The following GNG7 variants were observed in gnomAD, a reference collection of about 807,000 sequenced individuals.
GNG7 encodes G protein subunit gamma 7, also known as guanine nucleotide-binding protein G(I)/G(S)/G(O) subunit gamma-7.
A neutral mutation model predicts 4.0 loss-of-function variants in GNG7; 1 was observed. The ratio of observed to expected loss-of-function variants is 0.25; its 90% CI spans 0.09 to 1.18. The LOEUF is 1.18. Among genes scored for constraint, GNG7 ranks in the 50% most tolerant of loss-of-function variants. The pLI, the probability that GNG7 is intolerant of heterozygous loss-of-function variation, is 0.50. For synonymous variants in GNG7, 34 were observed against 36.9 expected (o/e 0.92, Z 0.29); for missense variants, 86 against 91.9 (o/e 0.94, Z 0.26).
intron 2 of GNG7, among the ~76,000 whole-genome samples, chr19:2,579,167 G>C (rs1230526634): frequency 1.3e-5 from 2 of 152,262 alleles, no homozygotes; most frequent in African/African-American, 4.8e-5. Context: ...GGTGCCCCCG[G>C]CCGGGCAGGT....
chr19:2,542,106 TC>T (rs1978980719), intron 3 of GNG7, among the ~76,000 whole-genome samples: 1 of 137,120 alleles, frequency 7.3e-6, no homozygotes, highest in African/African-American at 2.7e-5. Context: ...CGCTGTGTGT[TC>T]TTTTTTTTTT....
intron 2 of GNG7, chr19:2,632,510 AC>A (rs1982190850): frequency 1.3e-5 from 2 of 149,154 alleles, no homozygotes; most frequent in South Asian, 4.3e-4. Context: ...ACACACACAC[AC>A]GCACACAGAA....
intron 1 of GNG7, among the ~76,000 whole-genome samples, chr19:2,699,179 C>T (rs3745806): frequency 0.19 from 27,787 of 144,106 alleles, 3,591 homozygotes; most frequent in East Asian, 0.55. Context: ...GACAGAGTCT[C>T]ACTCTGTGGC....
chr19:2,691,734 G>T (rs917267119), intron 1 of GNG7, among the ~76,000 whole-genome samples: 5 of 150,458 alleles, frequency 3.3e-5, no homozygotes, highest in African/African-American at 1.2e-4. Context: ...GGGCGTGGTG[G>T]CACACGCCTG....
chr19:2,643,385 C>G (rs758209871), intron 2 of GNG7: 65 of 410,704 alleles, frequency 1.6e-4, no homozygotes, highest in Non-Finnish European at 2.8e-4. Context: ...TCTCCGGGCT[C>G]TGCACACCTT....
chr19:2,602,788 T>G (rs1981241475), intron 2 of GNG7, among the ~76,000 whole-genome samples: 2 of 152,198 alleles, frequency 1.3e-5, no homozygotes, highest in Admixed American at 1.3e-4. Flanking sequence ...CAATCAGAAT[T>G]GCCTTTTATA....
intron 2 of GNG7, among the ~76,000 whole-genome samples, chr19:2,575,089 CTTT>C (rs34248001): frequency 1.4e-5 from 2 of 138,820 alleles, no homozygotes; most frequent in Admixed American, 7.3e-5. Flanking sequence ...TTCTTTCTTT[CTTT>C]TTTTTTTTTT....
intron 2 of GNG7, among the ~76,000 whole-genome samples, chr19:2,637,212 T>C (rs1003017614): frequency 2.6e-5 from 4 of 150,958 alleles, no homozygotes; most frequent in East Asian, 2.0e-4. Flanking sequence ...AGGAACAGGC[T>C]CCCCCCGCCC....
intron 1 of GNG7, among the ~76,000 whole-genome samples, chr19:2,671,451 C>A (rs1983449461): frequency 6.6e-6 from 1 of 152,158 alleles, no homozygotes; most frequent in Non-Finnish European, 1.5e-5. Context: ...CGTTGTCCGG[C>A]CTGCCTTCTG....
intron 3 of GNG7, chr19:2,538,315 G>C (rs1403419309): frequency 8.8e-6 from 4 of 455,842 alleles, no homozygotes; most frequent in Non-Finnish European, 1.8e-5. Flanking sequence ...CCTCCACGAT[G>C]CTATCCAAAG....
chr19:2,568,356 C>T (rs1311414927), intron 2 of GNG7, among the ~76,000 whole-genome samples: 5 of 150,186 alleles, frequency 3.3e-5, no homozygotes, highest in South Asian at 2.1e-4. Flanking sequence ...CATACACACA[C>T]GTGCACATAC....
Position 2,546,703 on chromosome 19 carries a change from C to T in GNG7, c.-38+8446G>A, listed in dbSNP as rs565230909. Among the ~76,000 whole-genome samples the T allele has an allele frequency of 9.2e-5, 14 of 152,292 alleles. No individual in the cohort carries two copies. The South Asian group carries it at 2.9e-3, about 32-fold the overall frequency. ...GCTTGTTCAGACAAAGAGGCCGCGA[C>T]GACAGAGGGTGACGCGCCGCCAGTG... On this transcript the variant is annotated intron_variant, in intron 3 of 4. Coordinates refer to ENST00000382159, the MANE Select transcript of GNG7 (RefSeq NM_052847.3). The surrounding 1 kb of genome is among the most constrained non-coding windows in gnomAD (Gnocchi z 6.3).
intron 2 of GNG7, among the ~76,000 whole-genome samples, chr19:2,605,911 C>T (rs1344028073): frequency 1.3e-5 from 2 of 152,118 alleles, no homozygotes; most frequent in South Asian, 2.1e-4. Context: ...ATCACTTCTG[C>T]GACCTCTTTG....
At chr19:2,584,939 G>A (rs1980618376) in intron 2 of GNG7, among the ~76,000 whole-genome samples, 1 of 84,124 alleles carries the variant, frequency 1.2e-5, no homozygotes, top group Non-Finnish European at 2.1e-5. Context: ...AAGGAGGGAG[G>A]GAGGGAGGGA....
At chr19:2,564,538 C>T (rs1979843330) in intron 2 of GNG7, among the ~76,000 whole-genome samples, 1 of 152,148 alleles carries the variant, frequency 6.6e-6, no homozygotes, top group African/African-American at 2.4e-5. Context: ...GGTGCCACCG[C>T]ACTCCAGCCT....
intron 3 of GNG7, among the ~76,000 whole-genome samples, chr19:2,553,952 A>G (rs1283875057): frequency 1.4e-5 from 2 of 142,172 alleles, no homozygotes; most frequent in Admixed American, 7.6e-5. Context: ...TATTATATGT[A>G]ATATATATTA....
rs1982209006 is a variant in GNG7, at chr19:2,633,248, G to T, written c.-78+12976C>A. 6.6e-6 allele frequency among the ~76,000 whole-genome samples: 1 copy of T among 152,210 alleles called. No homozygotes were observed. The highest frequency in any genetic ancestry group is 1.9e-4 in the East Asian group (1 of 5,186). ...CTGACCCCTGCTGTAGAGGGTCAGA[G>T]AGGGTCAAGGTCAAGCCACAGATTG... On this transcript the variant is annotated intron_variant, in intron 2 of 4. Transcript: ENST00000382159. This position sits in a 1 kb window ranked among gnomAD's most constrained non-coding sequence, Gnocchi z 5.9.
At chr19:2,698,285 C>G (rs1471691085) in intron 1 of GNG7, among the ~76,000 whole-genome samples, 2 of 150,598 alleles carry the variant, frequency 1.3e-5, no homozygotes, top group African/African-American at 4.9e-5. Flanking sequence ...AAGGACAGGC[C>G]GGGCGCGGTG....
intron 2 of GNG7, among the ~76,000 whole-genome samples, chr19:2,635,122 A>G (rs1292985579): frequency 6.6e-6 from 1 of 152,170 alleles, no homozygotes; most frequent in Non-Finnish European, 1.5e-5. Flanking sequence ...CCGGGCCTCC[A>G]CCCACTCCAT....
Sources: gnomAD v4.1 joint callset for allele counts (sites outside exome capture counted in the v4.1 genomes callset) on GRCh38, gnomAD v4.1.1 for gene constraint, Gnocchi (gnomAD v3.1) non-coding constraint, MANE v1.5 for transcripts, NCBI Gene and HGNC (gene_info 2026-07-23, HGNC 2026-07-21) for gene names.